Variants in TAFA1 observed in about 807,000 individuals in gnomAD.
The protein encoded by TAFA1 is TAFA chemokine like family member 1.
Under a neutral mutation model 18.5 loss-of-function variants are expected in TAFA1, and 4 were observed. That is an observed-to-expected ratio of 0.22 (90% CI 0.11 to 0.49). The LOEUF (loss-of-function observed/expected upper bound fraction) is 0.49, where lower values mean the gene tolerates loss of function less well. Among genes scored for constraint, TAFA1 ranks in the 20% least tolerant of loss-of-function variants. The probability of loss-of-function intolerance (pLI) is 0.98; values close to 1 mark genes in which losing one functional copy is unlikely to be tolerated. For missense variants in TAFA1, 147 were observed against 169.0 expected (o/e 0.87, Z 0.72); for synonymous variants, 56 against 55.2 (o/e 1.01, Z -0.06).
chr3:68,027,139 C>T (rs1295995129), intron 2 of TAFA1, among the ~76,000 whole-genome samples: 1 of 152,118 alleles, frequency 6.6e-6, no homozygotes, highest in Non-Finnish European at 1.5e-5. Flanking sequence ...CACCAGGCCC[C>T]ACCTGCAACA....
chr3:68,022,639 G>A (rs1255746491), intron 2 of TAFA1, among the ~76,000 whole-genome samples: 1 of 151,802 alleles, frequency 6.6e-6, no homozygotes, highest in African/African-American at 2.4e-5. Context: ...CTTTAGTCAG[G>A]AGGTAGAATG....
chr3:68,411,547 C>G (rs2070718107), intron 2 of TAFA1, among the ~76,000 whole-genome samples: 1 of 152,142 alleles, frequency 6.6e-6, no homozygotes, highest in South Asian at 2.1e-4. Flanking sequence ...ATGTGTCAAT[C>G]AAATATTTGT....
At chr3:68,383,891 C>T (rs1445794416) in intron 2 of TAFA1, among the ~76,000 whole-genome samples, 2 of 152,054 alleles carry the variant, frequency 1.3e-5, no homozygotes, top group Non-Finnish European at 2.9e-5. Context: ...CAACTTCTTC[C>T]TGGTTCAGTC....
chr3:68,034,221 G>T (rs1203268052), intron 2 of TAFA1, among the ~76,000 whole-genome samples: 1 of 152,182 alleles, frequency 6.6e-6, no homozygotes, highest in Admixed American at 6.5e-5. Flanking sequence ...GAGACTGAGA[G>T]TCCCTGGAAT....
At chr3:68,434,199 T>A (rs1213727426) in intron 3 of TAFA1, among the ~76,000 whole-genome samples, 2 of 152,114 alleles carry the variant, frequency 1.3e-5, no homozygotes, top group African/African-American at 4.8e-5. Flanking sequence ...AGTTTTTATG[T>A]TGTTTTACTT....
intron 3 of TAFA1, among the ~76,000 whole-genome samples, chr3:68,496,784 C>A (rs2072557392): frequency 1.3e-5 from 2 of 152,136 alleles, no homozygotes; most frequent in Admixed American, 1.3e-4. Flanking sequence ...CCTTCTGTGT[C>A]ATTTTCTTCT....
chr3:68,349,380 AGGTGTTAC>A, intron 2 of TAFA1, among the ~76,000 whole-genome samples: 2 of 152,150 alleles, frequency 1.3e-5, no homozygotes, highest in Middle Eastern at 3.4e-3. Context: ...TCTTATGAAA[AGGTGTTAC>A]GGAAATAAAG....
intron 3 of TAFA1, among the ~76,000 whole-genome samples, chr3:68,482,889 T>C (rs1244091736): frequency 6.6e-6 from 1 of 152,178 alleles, no homozygotes; most frequent in Non-Finnish European, 1.5e-5. Flanking sequence ...TCTGTTGACA[T>C]AGTTGAAGCC....
intron 2 of TAFA1, among the ~76,000 whole-genome samples, chr3:68,413,936 T>C (rs990534530): frequency 1.3e-5 from 2 of 152,036 alleles, no homozygotes; most frequent in African/African-American, 4.8e-5. Flanking sequence ...CCTCATGGGG[T>C]ACATGCCTGG....
intron 2 of TAFA1, among the ~76,000 whole-genome samples, chr3:68,104,481 T>C (rs967800279): frequency 1.2e-4 from 18 of 152,150 alleles, no homozygotes; most frequent in African/African-American, 4.3e-4. Context: ...AGAATATATA[T>C]AGTCTGCTTT....
chr3:68,331,629 A>G (rs1345054225), intron 2 of TAFA1, among the ~76,000 whole-genome samples: 1 of 152,132 alleles, frequency 6.6e-6, no homozygotes, highest in Non-Finnish European at 1.5e-5. Flanking sequence ...TGTGACTTGC[A>G]TAGAATCACA....
At chr3:68,174,316 G>A (rs2066096815) in intron 2 of TAFA1, among the ~76,000 whole-genome samples, 1 of 152,180 alleles carries the variant, frequency 6.6e-6, no homozygotes, top group South Asian at 2.1e-4. Context: ...ACATGTTGTA[G>A]GAGGGACCCA....
chr3:68,125,106 G>A (rs974181892), intron 2 of TAFA1, among the ~76,000 whole-genome samples: 1 of 152,186 alleles, frequency 6.6e-6, no homozygotes, highest in Admixed American at 6.5e-5. Flanking sequence ...TAGAGAAGTA[G>A]AAGGTAGTGA....
chr3:68,535,041 T>G (rs2073254211), intron 3 of TAFA1, among the ~76,000 whole-genome samples: 1 of 152,178 alleles, frequency 6.6e-6, no homozygotes, highest in Admixed American at 6.6e-5. Context: ...TCTTGATGGT[T>G]TAGATTCAGG....
At chr3:68,444,026 T>C (rs190715481) in intron 3 of TAFA1, among the ~76,000 whole-genome samples, 8 of 152,284 alleles carry the variant, frequency 5.3e-5, no homozygotes, top group Non-Finnish European at 1.0e-4. Context: ...ATATCCCCAC[T>C]TGGGAGAAGC....
chr3:68,195,017 T>C (rs960597200), intron 2 of TAFA1, among the ~76,000 whole-genome samples: 1 of 151,632 alleles, frequency 6.6e-6, no homozygotes, highest in Non-Finnish European at 1.5e-5. Context: ...AGTGGATATA[T>C]CCCTTACATG....
At chr3:68,276,331 G>T (rs1278784804) in intron 2 of TAFA1, among the ~76,000 whole-genome samples, 1 of 152,094 alleles carries the variant, frequency 6.6e-6, no homozygotes, top group African/African-American at 2.4e-5. Context: ...TTATTTAGTG[G>T]CATCGTTAGT....
At chr3:68,254,938 A>G (rs1332771588) in intron 2 of TAFA1, among the ~76,000 whole-genome samples, 1 of 152,166 alleles carries the variant, frequency 6.6e-6, no homozygotes, top group Non-Finnish European at 1.5e-5. Context: ...TGCCCAAAAA[A>G]CTAGCTTTGG....
chr3:68,210,489 C>A (rs1224496254), intron 2 of TAFA1, among the ~76,000 whole-genome samples: 2 of 152,054 alleles, frequency 1.3e-5, no homozygotes, highest in African/African-American at 4.8e-5. Context: ...GATTACCTGA[C>A]TCACTGAATC....
Sources: allele counts gnomAD v4.1 joint callset (sites outside exome capture counted in the v4.1 genomes callset), GRCh38; gene constraint gnomAD v4.1.1; transcripts MANE v1.5; gene names NCBI Gene and HGNC (gene_info 2026-07-23, HGNC 2026-07-21).